The following CCL28 variants were observed in gnomAD, a reference collection of about 807,000 sequenced individuals.
CCL28 encodes C-C motif chemokine 28.
Under a neutral mutation model 7.1 loss-of-function variants are expected in CCL28, and 4 were observed. The observed-to-expected ratio is 0.56, with a 90% CI of 0.28 to 1.29. CCL28 has a LOEUF of 1.29. Ranked by LOEUF, CCL28 falls within the 50% of genes most tolerant of loss-of-function variation. CCL28 has a pLI of 0.11. For missense variants in CCL28, 151 were observed against 163.4 expected, an observed-to-expected ratio of 0.92 and a Z score of 0.41; for synonymous variants, 55 against 57.8, an observed-to-expected ratio of 0.95 and a Z score of 0.22.
intron 1 of CCL28, among the ~76,000 whole-genome samples, chr5:43,402,878 T>C (rs1741097952): frequency 6.6e-6 from 1 of 152,216 alleles, no homozygotes; most frequent in Non-Finnish European, 1.5e-5. Context: ...ATGCCTGGCT[T>C]GGAGGGTCCC....
At chr5:43,360,748 C>T in the CCL28 span, among the ~76,000 whole-genome samples, 1 of 152,104 alleles carries the variant, frequency 6.6e-6, no homozygotes, top group Non-Finnish European at 1.5e-5. Flanking sequence ...TGTCTGTTCA[C>T]ATCCTTTGCC....
the CCL28 span, among the ~76,000 whole-genome samples, chr5:43,358,940 C>G: frequency 6.6e-6 from 1 of 152,140 alleles, no homozygotes; most frequent in Non-Finnish European, 1.5e-5. Context: ...GGGCAAAAGC[C>G]AAGCTAACTA....
At chr5:43,368,945 C>A in the CCL28 span, among the ~76,000 whole-genome samples, 3 of 149,688 alleles carry the variant, frequency 2.0e-5, no homozygotes, top group Admixed American at 6.7e-5. Context: ...GTTATGGCAA[C>A]CCTAGCAAAC....
intron 2 of CCL28, among the ~76,000 whole-genome samples, chr5:43,386,919 G>T (rs966842807): frequency 6.6e-6 from 1 of 152,178 alleles, no homozygotes; most frequent in Admixed American, 6.5e-5. Flanking sequence ...AACCCATTTT[G>T]TCACCACTGC....
At chr5:43,362,854 C>G in the CCL28 span, among the ~76,000 whole-genome samples, 3 of 152,028 alleles carry the variant, frequency 2.0e-5, no homozygotes, top group Admixed American at 6.6e-5. Flanking sequence ...ATATACATAC[C>G]AAGTGGTTCA....
chr5:43,382,865 C>A (rs1426394021), intron 2 of CCL28, among the ~76,000 whole-genome samples: 1 of 151,900 alleles, frequency 6.6e-6, no homozygotes, highest in Non-Finnish European at 1.5e-5. Flanking sequence ...GTCACCCAGG[C>A]TGGAGTGCAA....
intron 1 of CCL28, among the ~76,000 whole-genome samples, chr5:43,411,335 GT>G (rs1233478098): frequency 2.0e-5 from 3 of 152,146 alleles, no homozygotes; most frequent in Non-Finnish European, 2.9e-5. Flanking sequence ...GACACTTAGG[GT>G]TTCCTGAATA....
the CCL28 span, among the ~76,000 whole-genome samples, chr5:43,360,231 C>A: frequency 6.6e-6 from 1 of 152,022 alleles, no homozygotes; most frequent in Admixed American, 6.6e-5. Context: ...GGTCCCCAGA[C>A]CCACGTAAAA....
chr5:43,362,044 T>C, the CCL28 span, among the ~76,000 whole-genome samples: 1 of 152,196 alleles, frequency 6.6e-6, no homozygotes, highest in African/African-American at 2.4e-5. Flanking sequence ...ATGTCATTGG[T>C]AGTTTGATAG....
intron 1 of CCL28, among the ~76,000 whole-genome samples, chr5:43,389,720 G>A (rs1469973135): frequency 6.6e-6 from 1 of 152,160 alleles, no homozygotes; most frequent in Admixed American, 6.5e-5. Flanking sequence ...AACGTAGGAT[G>A]GGCTCAGCTG....
chr5:43,369,669 C>A, the CCL28 span, among the ~76,000 whole-genome samples: 2 of 152,076 alleles, frequency 1.3e-5, no homozygotes, highest in Non-Finnish European at 2.9e-5. Context: ...AGTGATCCAC[C>A]CACCTTGGCT....
the CCL28 span, among the ~76,000 whole-genome samples, chr5:43,364,169 GGCAAA>G: frequency 2.0e-5 from 3 of 151,870 alleles, no homozygotes; most frequent in Non-Finnish European, 2.9e-5. Context: ...CTACTCCATA[GGCAAA>G]GCAGACTACA....
Position 43,388,460 on chromosome 5 carries a change from G to C in CCL28, c.81C>G (p.Ala27=). ...GTGAAACCTCCGTGCAACAGCTGGAGGCAATGGGAAGTATGGCTAAAAGAA... is the reference window on the plus strand; with the variant it reads ...GTGAAACCTCCGTGCAACAGCTGGACGCAATGGGAAGTATGGCTAAAAGAA... ...LHASEAILPI[A]SSCCTEVSHH... Residue 27 remains alanine, a synonymous_variant, in exon 2 of 3, where the codon GCC becomes GCG. Transcript: ENST00000361115. The C allele has an allele frequency of 1.9e-6, 3 of 1,613,980 alleles. No homozygotes were observed. The highest frequency in any genetic ancestry group is 2.5e-6 in the Non-Finnish European group (3 of 1,179,988).
At chr5:43,405,960 C>T (rs1476969368) in intron 1 of CCL28, among the ~76,000 whole-genome samples, 1 of 152,022 alleles carries the variant, frequency 6.6e-6, no homozygotes, top group Non-Finnish European at 1.5e-5. Context: ...GAAGCTGAAT[C>T]CCTGAATAGA....
chr5:43,403,400 G>C (rs987354093), intron 1 of CCL28, among the ~76,000 whole-genome samples: 5 of 152,260 alleles, frequency 3.3e-5, no homozygotes, highest in Middle Eastern at 3.4e-3. Context: ...AGGCAAACAG[G>C]GTCTGGAGTG....
In CCL28 at chr5:43,381,823, T is replaced by C. The variant is rs1740127589; in HGVS notation, c.*37A>G. The C allele has an allele frequency of 1.3e-6, 2 of 1,531,320 alleles. No homozygotes were observed. Among genetic ancestry groups the C allele is most frequent in the South Asian group, 1.2e-5 (1 of 83,944 alleles). 94.9% of individuals were successfully genotyped at this position (1,531,320 alleles called of 1,614,324 possible). A position where few individuals can be genotyped will look rare whatever the true frequency, so the allele number is the denominator to read the frequency against. ...TACAACCAATCATGGCCAAGTCCACTTGAGGAATTGTCTCTGTAGATTTAT... is the reference window on the plus strand; with the variant it reads ...TACAACCAATCATGGCCAAGTCCACCTGAGGAATTGTCTCTGTAGATTTAT... On this transcript the variant is annotated 3_prime_UTR_variant, in exon 3 of 3. Transcript: ENST00000361115.
chr5:43,362,850 A>T, the CCL28 span, among the ~76,000 whole-genome samples: 1 of 152,182 alleles, frequency 6.6e-6, no homozygotes, highest in Admixed American at 6.5e-5. Flanking sequence ...ATATATATAC[A>T]TACCAAGTGG....
rs1394933641 is a variant in CCL28, at chr5:43,379,416, G to A, written c.*2444C>T. ...TAATTTTTTCTTATTTAAAAAGCTT[G>A]TCTCTGCCACTTCCTGTGTGACCTG... On this transcript the variant is annotated 3_prime_UTR_variant, in exon 3 of 3. Coordinates refer to ENST00000361115, the MANE Select transcript of CCL28 (RefSeq NM_148672.3). 6.6e-6 allele frequency: 1 copy of A among 152,088 alleles called. No homozygotes were observed. The highest frequency in any genetic ancestry group is 6.6e-5 in the Admixed American group (1 of 15,264). The allele number at this position is 152,088 out of a possible 1,614,324, so 9.4% of individuals were successfully genotyped here. A position where few individuals can be genotyped will look rare whatever the true frequency, so the allele number is the denominator to read the frequency against.
the CCL28 span, among the ~76,000 whole-genome samples, chr5:43,367,788 T>C: frequency 1.3e-5 from 2 of 152,278 alleles, no homozygotes; most frequent in Non-Finnish European, 2.9e-5. Flanking sequence ...TGCTGGGAGC[T>C]GCAGGCCCTA....
Sources: gnomAD v4.1 joint callset for allele counts (sites outside exome capture counted in the v4.1 genomes callset) on GRCh38, gnomAD v4.1.1 for gene constraint, MANE v1.5 for transcripts, NCBI Gene and HGNC (gene_info 2026-07-23, HGNC 2026-07-21) for gene names.